RFX2: variants seen among roughly 807,000 people sequenced by gnomAD.
RFX2 encodes the protein regulatory factor X2, also known as DNA-binding protein RFX2.
In RFX2, 20 loss-of-function variants were observed where a neutral mutation model predicts 87.8. That is an observed-to-expected ratio of 0.23 (90% confidence interval 0.16 to 0.33). The LOEUF is 0.33. Ranked by LOEUF, RFX2 falls within the 10% of genes least tolerant of loss-of-function variation. The pLI is 1.00. For missense variants in RFX2, 767 were observed against 1,012.3 expected (o/e 0.76, Z 3.29); for synonymous variants, 397 against 431.3 (o/e 0.92, Z 0.98).
chr19:6,100,859 A>G (rs1190929965), intron 1 of RFX2, among the ~76,000 whole-genome samples: 1 of 146,810 alleles, frequency 6.8e-6, no homozygotes. Flanking sequence ...ATTGAATTAT[A>G]TTGATTTAAT....
In RFX2 at chr19:6,010,071, G is replaced by A. The variant is rs1167535483; in HGVS notation, c.1015+65C>T. 1.1e-5 allele frequency: 11 copies of A among 1,012,260 alleles called. No individual in the cohort carries two copies. The highest frequency in any genetic ancestry group is 1.6e-5 in the Non-Finnish European group (11 of 677,032). 62.7% of individuals were successfully genotyped at this position (1,012,260 alleles called of 1,614,324 possible). On this transcript the variant is annotated intron_variant, in intron 9 of 17. Transcript: ENST00000303657. This position sits in a 1 kb window ranked among gnomAD's most constrained non-coding sequence, Gnocchi z 5.0. Reference sequence around the variant, plus strand: ...CTTAGACACCACTGGTTCTGCTGGTGTTGAAACCCAGGAGTGTGGCGAGCA... The same window carrying A: ...CTTAGACACCACTGGTTCTGCTGGTATTGAAACCCAGGAGTGTGGCGAGCA...
intron 1 of RFX2, among the ~76,000 whole-genome samples, chr19:6,057,840 A>G (rs899410091): frequency 6.6e-6 from 1 of 152,202 alleles, no homozygotes; most frequent in Non-Finnish European, 1.5e-5. Flanking sequence ...TAGGCTGCCC[A>G]GAAAAGTCTT....
intron 1 of RFX2, among the ~76,000 whole-genome samples, chr19:6,100,646 C>T (rs1161590398): frequency 6.6e-6 from 1 of 152,076 alleles, no homozygotes; most frequent in Non-Finnish European, 1.5e-5. Flanking sequence ...TGGAAGTTTC[C>T]TGACCGGAAG....
rs201227349 is a variant in RFX2, at chr19:6,007,715, C to T, written c.1222G>A (p.Asp408Asn). 2 of 1,554,490 alleles carry T rather than the reference C, an allele frequency of 1.3e-6. No individual in the cohort carries two copies. The highest frequency in any genetic ancestry group is 2.4e-5 in the East Asian group (1 of 41,324). ...SFWNSKASSSDGPTSLPASDE... is the reference protein window; with the variant it reads ...SFWNSKASSSNGPTSLPASDE... ...CTGGCAGGAAGAGAGGTGGGGCCGT[C>T]GCTGGAGGAGGCCTTAGAGTTCCAG... Residue 408 changes from aspartate (D) to asparagine (N), a missense_variant, in exon 11 of 18, where the codon GAC (aspartate) becomes AAC (asparagine). Physicochemically the swap from Asp to Asn is conservative, Grantham distance 23. Coordinates refer to ENST00000303657, the MANE Select transcript of RFX2 (RefSeq NM_000635.4). This position sits in a 1 kb window ranked among gnomAD's most constrained non-coding sequence, Gnocchi z 8.2.
intron 1 of RFX2, among the ~76,000 whole-genome samples, chr19:6,097,133 G>C (rs1052317780): frequency 3.3e-5 from 5 of 152,168 alleles, no homozygotes; most frequent in Admixed American, 2.0e-4. Context: ...GAAGCAGAGT[G>C]GGGAGAGGAT....
At chr19:6,042,262 G>A (rs906802741) in intron 3 of RFX2, 139 bp from the exon 4 acceptor site, 8 of 735,142 alleles carry the variant, frequency 1.1e-5, no homozygotes, top group South Asian at 3.1e-5. Context: ...CAGTCGGCAC[G>A]CCTAGAAAGA....
chr19:6,059,865 A>G (rs1298810778), intron 1 of RFX2, among the ~76,000 whole-genome samples: 1 of 152,212 alleles, frequency 6.6e-6, no homozygotes. Flanking sequence ...ACCACTCAGA[A>G]GACACGTCAT....
At chr19:6,042,939 G>A (rs2087131904) in intron 3 of RFX2, among the ~76,000 whole-genome samples, 1 of 152,198 alleles carries the variant, frequency 6.6e-6, no homozygotes, top group African/African-American at 2.4e-5. Flanking sequence ...CACAGAAGTG[G>A]GCTTGTTCGG....
chr19:6,032,563 GC>G (rs2086966342), intron 5 of RFX2, among the ~76,000 whole-genome samples: 1 of 152,228 alleles, frequency 6.6e-6, no homozygotes, highest in Non-Finnish European at 1.5e-5. Context: ...GGCCAGCAGG[GC>G]TGAGAGGCTG....
At chr19:6,068,971 G>A (rs2087555256) in intron 1 of RFX2, among the ~76,000 whole-genome samples, 1 of 152,190 alleles carries the variant, frequency 6.6e-6, no homozygotes, top group African/African-American at 2.4e-5. Flanking sequence ...GTCAGACTCT[G>A]GATAAACATA....
At position 6,083,244 on chromosome 19, in the gene RFX2, T is replaced by A. The variant is rs537239699; in HGVS notation, c.-9+27149A>T. 4.5e-4 allele frequency among the ~76,000 whole-genome samples: 68 copies of A among 152,322 alleles called. No individual in the cohort carries two copies. The highest frequency in any genetic ancestry group is 6.0e-4 in the Non-Finnish European group (41 of 68,022). On this transcript the variant is annotated intron_variant, in intron 1 of 17. Transcript: ENST00000303657. This position sits in a 1 kb window ranked among gnomAD's most constrained non-coding sequence, Gnocchi z 4.6. ...TTTTTTGGCATTTATTTTGATTTTTTAAAATACTGCATTAAAACATTGTGT... is the reference window on the plus strand; with the variant it reads ...TTTTTTGGCATTTATTTTGATTTTTAAAAATACTGCATTAAAACATTGTGT...
intron 1 of RFX2, among the ~76,000 whole-genome samples, chr19:6,070,216 G>A (rs865992050): frequency 4.5e-4 from 1 of 2,214 alleles, no homozygotes; most frequent in Admixed American, 3.3e-3. Context: ...GATGGGATGG[G>A]ATGGGATGGG....
chr19:6,095,675 G>A (rs1416697356), intron 1 of RFX2, among the ~76,000 whole-genome samples: 2 of 152,084 alleles, frequency 1.3e-5, no homozygotes, highest in African/African-American at 4.8e-5. Flanking sequence ...GGGGAATAAA[G>A]GGGGAAATAG....
rs563368042 is a variant in RFX2 at position 6,011,104 on chromosome 19, G to A, written c.900-853C>T. ...GCACTCCAGCCTGGGCGACAAAAGC[G>A]AAACTCGGTCTCAAAAAAAATAAAT... On this transcript the variant is annotated intron_variant, in intron 8 of 17. Transcript: ENST00000303657. The surrounding 1 kb of genome is among the most constrained non-coding windows in gnomAD (Gnocchi z 4.8). 6.6e-4 allele frequency among the ~76,000 whole-genome samples: 100 copies of A among 151,488 alleles called. No individual in the cohort carries two copies. The highest frequency in any genetic ancestry group is 3.4e-3 in the Middle Eastern group (1 of 294).
In RFX2 at chr19:6,002,037, A is replaced by G. The variant is rs377144427; in HGVS notation, c.1651-14T>C. 4.3e-5 allele frequency: 68 copies of G among 1,590,192 alleles called. 3 individuals are homozygous for G. The South Asian group carries it at 4.5e-4, about 10-fold the overall frequency. On this transcript the variant is annotated splice_polypyrimidine_tract_variant and intron_variant, in intron 14 of 17. Coordinates refer to ENST00000303657, the MANE Select transcript of RFX2 (RefSeq NM_000635.4). The surrounding 1 kb of genome is among the most constrained non-coding windows in gnomAD (Gnocchi z 6.7). The stretch of plus-strand genomic sequence containing the variant: ...CGAGGCCTGCTCCTGTGGGCAGGGC[A>G]GAGGCCAGTGTCAGCAATGTGGACC...
chr19:6,044,114 G>T lies in RFX2; in HGVS notation c.180+79C>A. ...AGGAACAGCAGCCACAGAAAAGGAT[G>T]CATCCTTCAGAGATTGTTCTGGATT... On this transcript the variant is annotated intron_variant, in intron 3 of 17. Coordinates refer to ENST00000303657, the MANE Select transcript of RFX2 (RefSeq NM_000635.4). The surrounding 1 kb of genome is among the most constrained non-coding windows in gnomAD (Gnocchi z 5.3). 3 of 712,524 alleles carry T rather than the reference G, an allele frequency of 4.2e-6. No homozygotes were observed. Among genetic ancestry groups the T allele is most frequent in the South Asian group, 1.2e-4 (2 of 16,798 alleles). 44.1% of individuals were successfully genotyped at this position (712,524 alleles called of 1,614,324 possible). A position where few individuals can be genotyped will look rare whatever the true frequency, so the allele number is the denominator to read the frequency against.
chr19:6,079,373 C>T (rs1005858383), intron 1 of RFX2, among the ~76,000 whole-genome samples: 4 of 152,190 alleles, frequency 2.6e-5, no homozygotes, highest in Admixed American at 6.5e-5. Flanking sequence ...GACTGACACA[C>T]GCAATGACAG....
At chr19:6,086,091 C>CAA (rs11340459) in intron 1 of RFX2, among the ~76,000 whole-genome samples, 1,069 of 59,392 alleles carry the variant, frequency 0.018, 15 homozygotes, top group African/African-American at 0.068. Context: ...GATCCTGTCT[C>CAA]AAAAAAAAAA....
chr19:6,005,373 C>T lies in RFX2; in HGVS notation c.1403-1075G>A, dbSNP rs372873609. On this transcript the variant is annotated intron_variant, in intron 12 of 17. Transcript: ENST00000303657. ...GCCTGAGGGGCACGGTCCATGGGCC[C>T]GGATGTTTGTGGATGGACTGCGGGG... Among the ~76,000 whole-genome samples the T allele has an allele frequency of 7.9e-5, 12 of 152,284 alleles. No individual in the cohort carries two copies. In the East Asian group the frequency reaches 1.7e-3, roughly 22 times the overall value.
Sources: allele counts gnomAD v4.1 joint callset (sites outside exome capture counted in the v4.1 genomes callset), GRCh38; gene constraint gnomAD v4.1.1; non-coding constraint Gnocchi (gnomAD v3.1); transcripts MANE v1.5; gene names NCBI Gene and HGNC (gene_info 2026-07-23, HGNC 2026-07-21).